The following RPS6KA1 variants were observed in gnomAD, a reference collection of about 807,000 sequenced individuals.
The protein encoded by RPS6KA1 is ribosomal protein S6 kinase alpha-1.
RPS6KA1 carries 48 observed loss-of-function variants against 91.3 expected under a neutral mutation model. The observed-to-expected ratio is 0.53, with a 90% CI of 0.42 to 0.67. The LOEUF (loss-of-function observed/expected upper bound fraction) is 0.67. Ranked by LOEUF, RPS6KA1 falls within the 30% of genes least tolerant of loss-of-function variation. RPS6KA1 has a pLI of 0.00. For missense variants in RPS6KA1, 719 were observed against 960.5 expected, an observed-to-expected ratio of 0.75 and a Z score of 3.32; for synonymous variants, 359 against 384.7, an observed-to-expected ratio of 0.93 and a Z score of 0.78.
At chr1:26,532,181 A>G (rs1034120016) in intron 1 of RPS6KA1, among the ~76,000 whole-genome samples, 1 of 151,960 alleles carries the variant, frequency 6.6e-6, no homozygotes, top group African/African-American at 2.4e-5. Flanking sequence ...ATCTATGGGA[A>G]GCGTGGGTGA....
intron 7 of RPS6KA1, 98 bp downstream of exon 7, chr1:26,553,595 CG>C (rs1353790010): frequency 2.9e-6 from 2 of 694,354 alleles, no homozygotes; most frequent in Non-Finnish European, 5.0e-6. Context: ...TCTCCAGAAA[CG>C]TCTCCCTCTC....
At chr1:26,553,570 G>C (rs2076073066) in intron 7 of RPS6KA1, 73 bp downstream of exon 7, 1 of 898,576 alleles carries the variant, frequency 1.1e-6, no homozygotes, top group Non-Finnish European at 1.8e-6. Flanking sequence ...ATCCTGAGGT[G>C]GGTGGGCATG....
rs543555722 is a variant in RPS6KA1, at chr1:26,561,631, G to A, written c.1558G>A (p.Gly520Ser). ...GGCCAGCTTTGTCCTGCACACCATT[G>A]GCAAAACTGTGGAGTATCTGCACTC... The part of the protein sequence containing the change: ...REASFVLHTI[G>S]KTVEYLHSQG... The change falls in exon 17 of 22, where the codon GGC becomes AGC. Residue 520 changes from glycine to serine, a missense_variant. By Grantham distance (56) the Gly-to-Ser change is moderately conservative (BLOSUM62 0). Around this residue, in one of 5 missense-constraint regions of RPS6KA1, gnomAD observed 249 missense variants for 323.1 expected, o/e 0.77. Transcript: ENST00000374168. This position sits in a 1 kb window ranked among gnomAD's most constrained non-coding sequence, Gnocchi z 5.7. 3.7e-6 allele frequency: 6 copies of A among 1,612,576 alleles called. No homozygotes were observed. In the African/African-American group the frequency reaches 8.0e-5, roughly 21 times the overall value.
rs139054286 is a variant in RPS6KA1 at position 26,558,801 on chromosome 1, G to A, written c.1085-6G>A. On this transcript the variant is annotated splice_region_variant and splice_polypyrimidine_tract_variant and intron_variant, in intron 13 of 21. Coordinates refer to ENST00000374168, the MANE Select transcript of RPS6KA1 (RefSeq NM_002953.4). This position sits in a 1 kb window ranked among gnomAD's most constrained non-coding sequence, Gnocchi z 4.0. ...GTACCCTCACATTCTCCTTCCATCC[G>A]TACAGATTCCCCAGGCATCCCCCCC... is the stretch of plus-strand genomic sequence containing the variant. 8.2e-5 allele frequency: 132 copies of A among 1,605,162 alleles called. No homozygotes were observed. In the African/African-American group the frequency reaches 1.0e-3, roughly 13 times the overall value.
intron 2 of RPS6KA1, among the ~76,000 whole-genome samples, chr1:26,538,577 T>G (rs777072897): frequency 6.6e-6 from 1 of 152,208 alleles, no homozygotes; most frequent in Non-Finnish European, 1.5e-5. Flanking sequence ...GCTTAACCTA[T>G]GCCTAGCATC....
intron 2 of RPS6KA1, chr1:26,543,254 T>G (rs2075962891): frequency 2.0e-6 from 3 of 1,465,086 alleles, no homozygotes; most frequent in African/African-American, 2.8e-5. Context: ...TCCAGCGGTG[T>G]CTGTCACCAT....
chr1:26,572,800 G>A (rs769551841), intron 20 of RPS6KA1, among the ~76,000 whole-genome samples: 3 of 152,122 alleles, frequency 2.0e-5, no homozygotes, highest in African/African-American at 4.8e-5. Context: ...ATGTACGGCC[G>A]GCCACCTCAC....
intron 1 of RPS6KA1, among the ~76,000 whole-genome samples, chr1:26,533,316 G>T (rs2075881442): frequency 1.3e-5 from 2 of 152,146 alleles, no homozygotes; most frequent in Admixed American, 1.3e-4. Context: ...TTGACCTCGT[G>T]ATCCTCGTGA....
chr1:26,571,888 T>C lies in RPS6KA1; in HGVS notation c.1792T>C (p.Trp598Arg). The change falls in exon 19 of 22, where the codon TGG (tryptophan) becomes CGG (arginine). Residue 598 changes from tryptophan (W) to arginine (R), a missense_variant. Trp to Arg is a moderately radical substitution (Grantham distance 101). This residue lies in a region of RPS6KA1 where 249 missense variants were observed against 323.1 expected (regional missense o/e 0.77). Coordinates refer to ENST00000374168, the MANE Select transcript of RPS6KA1 (RefSeq NM_002953.4). The surrounding 1 kb of genome is among the most constrained non-coding windows in gnomAD (Gnocchi z 5.1). Reference sequence around the variant, plus strand: ...GGGCTACGATGAAGGCTGCGACATCTGGAGCCTGGGCATTCTGCTGTACAC... The same window carrying C: ...GGGCTACGATGAAGGCTGCGACATCCGGAGCCTGGGCATTCTGCTGTACAC... ...RQGYDEGCDI[W>R]SLGILLYTML... 6.2e-7 allele frequency: 1 copy of C among 1,611,754 alleles called. No individual in the cohort carries two copies. Among genetic ancestry groups the C allele is most frequent in the Non-Finnish European group, 8.5e-7 (1 of 1,179,996 alleles).
At chr1:26,557,229 G>A (rs2076110793) in intron 13 of RPS6KA1, 129 bp downstream of exon 13, 4 of 682,760 alleles carry the variant, frequency 5.9e-6, no homozygotes, top group Non-Finnish European at 1.0e-5. Context: ...GCAGGCGGGT[G>A]AGTTTCTGGC....
chr1:26,558,826 C>A lies in RPS6KA1; in HGVS notation c.1104C>A (p.Pro368=). 6.2e-7 allele frequency: 1 copy of A among 1,611,606 alleles called. No individual in the cohort carries two copies. The highest frequency in any genetic ancestry group is 1.7e-5 in the Admixed American group (1 of 59,948). The change falls in exon 14 of 22, where the codon CCC becomes CCA. Residue 368 remains proline, a synonymous_variant. Coordinates refer to ENST00000374168, the MANE Select transcript of RPS6KA1 (RefSeq NM_002953.4). The surrounding 1 kb of genome is among the most constrained non-coding windows in gnomAD (Gnocchi z 4.0). ...RTPKDSPGIP[P]SAGAHQLFRG... is the part of the protein sequence containing the mutation. Reference sequence around the variant, plus strand: ...GTACAGATTCCCCAGGCATCCCCCCCAGCGCTGGGGCCCATCAGCTGTTCC... The same window carrying A: ...GTACAGATTCCCCAGGCATCCCCCCAAGCGCTGGGGCCCATCAGCTGTTCC...
At chr1:26,567,671 G>T (rs963785552) in intron 17 of RPS6KA1, among the ~76,000 whole-genome samples, 3 of 152,154 alleles carry the variant, frequency 2.0e-5, no homozygotes, top group Non-Finnish European at 4.4e-5. Flanking sequence ...GAGCCACCAT[G>T]CCTGGCCTGG....
chr1:26,550,634 A>G (rs1228725420), intron 4 of RPS6KA1, among the ~76,000 whole-genome samples: 1 of 152,226 alleles, frequency 6.6e-6, no homozygotes, highest in African/African-American at 2.4e-5. Flanking sequence ...GCCTGTTCTA[A>G]TCAGACTAGT....
chr1:26,560,794 C>T lies in RPS6KA1; in HGVS notation c.1284C>T (p.Ser428=), dbSNP rs2076147193. The change falls in exon 15 of 22, where the codon TCC becomes TCT. Residue 428 remains serine (S), a synonymous_variant. Transcript: ENST00000374168. Reference sequence around the variant, plus strand: ...TAAAGGAGACAATTGGTGTGGGCTCCTACTCTGAGTGCAAGCGCTGTGTCC... The same window carrying T: ...TAAAGGAGACAATTGGTGTGGGCTCTTACTCTGAGTGCAAGCGCTGTGTCC... ...YVVKETIGVG[S]YSECKRCVHK... The T allele has an allele frequency of 6.2e-7, 1 of 1,614,212 alleles. No homozygotes were observed. The highest frequency in any genetic ancestry group is 1.7e-5 in the Admixed American group (1 of 60,022).
In RPS6KA1 at chr1:26,558,849, TC is replaced by T. The variant is rs1343524999; in HGVS notation, c.1129del (p.Arg377GlyfsTer10). On this transcript the variant is annotated frameshift_variant, in exon 14 of 22. Coordinates refer to ENST00000374168, the MANE Select transcript of RPS6KA1 (RefSeq NM_002953.4). LOFTEE classifies it high-confidence loss of function. This position sits in a 1 kb window ranked among gnomAD's most constrained non-coding sequence, Gnocchi z 4.0. ...IPPSAGAHQL[F>X]RGFSFVATGL... ...CCCAGCGCTGGGGCCCATCAGCTGT[TC>T]CGGGGCTTCAGCTTCGTGGCCACCG... 1 of 1,613,698 alleles carries T rather than the reference TC, an allele frequency of 6.2e-7. No homozygotes were observed. Among genetic ancestry groups the T allele is most frequent in the Admixed American group, 1.7e-5 (1 of 60,000 alleles).
rs377553777 is a variant in RPS6KA1, at chr1:26,574,407, G to A, written c.*206G>A. 1 of 781,050 alleles carries A rather than the reference G, an allele frequency of 1.3e-6. No individual in the cohort carries two copies. Among genetic ancestry groups the A allele is most frequent in the South Asian group, 1.4e-5 (1 of 73,330 alleles). The allele number at this position is 781,050 out of a possible 1,614,324, so 48.4% of individuals were successfully genotyped here. A position where few individuals can be genotyped will look rare whatever the true frequency, so the allele number is the denominator to read the frequency against. On this transcript the variant is annotated 3_prime_UTR_variant, in exon 22 of 22. Coordinates refer to ENST00000374168, the MANE Select transcript of RPS6KA1 (RefSeq NM_002953.4). This position sits in a 1 kb window ranked among gnomAD's most constrained non-coding sequence, Gnocchi z 4.3. ...ACTCTTCTCGGCTCAGGCTCTGCTG[G>A]TGGAAAGCGATTCACTGTATAAACT... is the stretch of plus-strand genomic sequence containing the variant.
intron 2 of RPS6KA1, chr1:26,543,971 G>C: frequency 4.7e-6 from 2 of 421,996 alleles, no homozygotes; most frequent in Admixed American, 2.4e-5. Context: ...AAAATCCTAG[G>C]GAAATGGGAG....
chr1:26,552,477 T>C (rs1413167527), intron 6 of RPS6KA1, among the ~76,000 whole-genome samples: 1 of 148,058 alleles, frequency 6.8e-6, no homozygotes, highest in Non-Finnish European at 1.5e-5. Flanking sequence ...CTTTTTTTTT[T>C]TTTAATTGTA....
At chr1:26,565,326 AATATT>A (rs1312948150) in intron 17 of RPS6KA1, among the ~76,000 whole-genome samples, 1 of 152,044 alleles carries the variant, frequency 6.6e-6, no homozygotes, top group Non-Finnish European at 1.5e-5. Flanking sequence ...TGTTTGTTTG[AATATT>A]ATGTTTGTAT....
Sources: gnomAD v4.1 joint callset for allele counts (sites outside exome capture counted in the v4.1 genomes callset) on GRCh38, gnomAD v4.1.1 for gene constraint, gnomAD v4.1.1 regional missense constraint, Gnocchi (gnomAD v3.1) non-coding constraint, MANE v1.5 for transcripts, NCBI Gene and HGNC (gene_info 2026-07-23, HGNC 2026-07-21) for gene names.